Variants in AQP4 observed in about 807,000 individuals in gnomAD.
AQP4 encodes aquaporin 4, also known as aquaporin-4.
In AQP4, 18 loss-of-function variants were observed where a neutral mutation model predicts 27.8. The observed-to-expected ratio is 0.65, with a 90% CI of 0.45 to 0.96. AQP4 has a LOEUF of 0.96. AQP4 is among the 40% of genes least tolerant of loss of function. The pLI, the probability that AQP4 is intolerant of heterozygous loss-of-function variation, is 0.00. For missense variants in AQP4, 412 were observed against 408.2 expected, an observed-to-expected ratio of 1.01 and a Z score of -0.08; for synonymous variants, 141 against 142.9, an observed-to-expected ratio of 0.99 and a Z score of 0.10.
rs145495511 is a variant in AQP4 at position 26,861,154 on chromosome 18, C to T, written c.589G>A (p.Val197Ile). 3.7e-6 allele frequency: 6 copies of T among 1,613,924 alleles called. No homozygotes were observed. The highest frequency in any genetic ancestry group is 1.6e-4 in the Middle Eastern group (1 of 6,084). ...ACTGCAAATAAATGTCCAATTGCAA[C>T]AGAAAATCCAATTGCTAAAGCTATT... ...GSIALAIGFS[V>I]AIGHLFAINY... The change falls in exon 3 of 5, where the codon GTT (valine) becomes ATT (isoleucine). Residue 197 changes from valine to isoleucine, a missense_variant. By Grantham distance (29) the Val-to-Ile change is conservative. Coordinates refer to ENST00000383168, the MANE Select transcript of AQP4 (RefSeq NM_001650.7).
At position 26,855,020 on chromosome 18, in the gene AQP4, T is replaced by G. The variant is rs1029970564; in HGVS notation, c.*1191A>C. 4 of 152,258 alleles carry G rather than the reference T, an allele frequency of 2.6e-5. No homozygotes were observed. Among genetic ancestry groups the G allele is most frequent in the Non-Finnish European group, 5.9e-5 (4 of 68,044 alleles). The allele number at this position is 152,258 out of a possible 1,614,324, so 9.4% of individuals were successfully genotyped here. On this transcript the variant is annotated 3_prime_UTR_variant, in exon 5 of 5. Transcript: ENST00000383168. ...AAGCTTTGAATACAGAGTGATCTGA[T>G]GTCCTCACCCTTTTATTCTGCAACC...
Position 26,862,552 on chromosome 18 carries a change from A to G in AQP4, c.77T>C (p.Phe26Ser). The G allele has an allele frequency of 6.2e-7, 1 of 1,614,146 alleles. No homozygotes were observed. The highest frequency in any genetic ancestry group is 8.5e-7 in the Non-Finnish European group (1 of 1,180,034). ...GAAAGCTTGAGTCCAGACCCCTTTG[A>G]AAGCCACCATGATGTTCTCTCTGGT... ...LCTRENIMVA[F>S]KGVWTQAFWK... Residue 26 changes from phenylalanine to serine, a missense_variant, in exon 2 of 5, where the codon TTC becomes TCC. Transcript: ENST00000383168.
In AQP4 at chr18:26,860,816, A is replaced by C; in HGVS notation, c.649T>G (p.Ser217Ala). The change falls in exon 4 of 5, where the codon TCC (serine) becomes GCC (alanine). Residue 217 changes from serine (S) to alanine (A), a missense_variant. Transcript: ENST00000383168. ...YTGASMNPAR[S>A]FGPAVIMGNW... is the part of the protein sequence containing the mutation. ...CCCATGATAACTGCAGGTCCAAAGG[A>C]TCGGGCGGGATTCATGCTGGCACCA... The C allele has an allele frequency of 1.9e-6, 3 of 1,614,106 alleles. No individual in the cohort carries two copies. The highest frequency in any genetic ancestry group is 2.2e-5 in the South Asian group (2 of 91,076).
intron 1 of AQP4, 121 bp downstream of exon 1, chr18:26,865,537 C>A: frequency 1.6e-6 from 2 of 1,268,990 alleles, no homozygotes; most frequent in Non-Finnish European, 2.3e-6. Flanking sequence ...AAAAGAACCA[C>A]CCACCTGCCC....
chr18:26,861,147 A>C lies in AQP4; in HGVS notation c.596T>G (p.Ile199Ser). The change falls in exon 3 of 5, where the codon ATT becomes AGT. Residue 199 changes from isoleucine (I) to serine (S), a missense_variant. Coordinates refer to ENST00000383168, the MANE Select transcript of AQP4 (RefSeq NM_001650.7). The stretch of plus-strand genomic sequence containing the variant: ...GAAACTTACTGCAAATAAATGTCCA[A>C]TTGCAACAGAAAATCCAATTGCTAA... ...IALAIGFSVA[I>S]GHLFAINYTG... The C allele has an allele frequency of 6.2e-7, 1 of 1,614,140 alleles. No individual in the cohort carries two copies. Among genetic ancestry groups the C allele is most frequent in the South Asian group, 1.1e-5 (1 of 91,080 alleles).
intron 4 of AQP4, among the ~76,000 whole-genome samples, chr18:26,860,388 G>A (rs2054919853): frequency 6.6e-6 from 1 of 151,792 alleles, no homozygotes; most frequent in South Asian, 2.1e-4. Context: ...TTCCATTATA[G>A]CTGGGAAGAC....
rs1184830434 is a variant in AQP4 at position 26,862,305 on chromosome 18, C to A, written c.324G>T (p.Arg108Ser). ...PAVTVAMVCT[R>S]KISIAKSVFY... is the part of the protein sequence containing the mutation. ...AGACAGACTTGGCGATGCTGATCTT[C>A]CTGGTGCACACCATGGCCACAGTCA... Residue 108 changes from arginine to serine, a missense_variant, in exon 2 of 5, where the codon AGG becomes AGT. Coordinates refer to ENST00000383168, the MANE Select transcript of AQP4 (RefSeq NM_001650.7). The A allele has an allele frequency of 1.2e-6, 2 of 1,614,226 alleles. No individual in the cohort carries two copies. The highest frequency in any genetic ancestry group is 2.2e-5 in the South Asian group (2 of 91,090).
intron 1 of AQP4, 87 bp from the exon 2 acceptor site, chr18:26,862,683 G>A (rs1432205318): frequency 1.3e-6 from 2 of 1,583,818 alleles, no homozygotes; most frequent in East Asian, 2.2e-5. Context: ...CCATCTTCGG[G>A]TACTGTGGGC....
chr18:26,860,178 A>G (rs2054914797), intron 4 of AQP4, among the ~76,000 whole-genome samples: 1 of 152,196 alleles, frequency 6.6e-6, no homozygotes, highest in Non-Finnish European at 1.5e-5. Flanking sequence ...TCTGTGAGTC[A>G]TTTATTTTTC....
At chr18:26,859,860 A>G (rs1173673353) in intron 4 of AQP4, among the ~76,000 whole-genome samples, 1 of 152,196 alleles carries the variant, frequency 6.6e-6, no homozygotes. Context: ...TATATTCATG[A>G]ATTTTTTAAA....
At chr18:26,859,527 A>C (rs1300941895) in intron 4 of AQP4, among the ~76,000 whole-genome samples, 2 of 152,222 alleles carry the variant, frequency 1.3e-5, no homozygotes, top group Non-Finnish European at 2.9e-5. Flanking sequence ...TCTCAAAAAG[A>C]AGAAAACAAA....
intron 2 of AQP4, 75 bp downstream of exon 2, chr18:26,862,107 G>A: frequency 6.5e-7 from 1 of 1,540,362 alleles, no homozygotes; most frequent in Non-Finnish European, 9.0e-7. Flanking sequence ...TGTGCCTCAT[G>A]CCACCAAGGC....
rs76951682 is a variant in AQP4, at chr18:26,853,324, G to C, written c.*2887C>G. On this transcript the variant is annotated 3_prime_UTR_variant, in exon 5 of 5. Coordinates refer to ENST00000383168, the MANE Select transcript of AQP4 (RefSeq NM_001650.7). ...AAAATATTTCCTTCCAGTACAAAAG[G>C]TTAAGGCTCTTTGAAGAAAATGTTA... is the stretch of plus-strand genomic sequence containing the variant. 1 of 155,660 alleles carries C rather than the reference G, an allele frequency of 6.4e-6. No individual in the cohort carries two copies. Among genetic ancestry groups the C allele is most frequent in the African/African-American group, 2.4e-5 (1 of 41,606 alleles). The allele number at this position is 155,660 out of a possible 1,614,324, so 9.6% of individuals were successfully genotyped here.
In AQP4 at chr18:26,855,680, AC is replaced by A. The variant is rs2054828973; in HGVS notation, c.*530del. 6.3e-6 allele frequency: 1 copy of A among 157,740 alleles called. No homozygotes were observed. Among genetic ancestry groups the A allele is most frequent in the South Asian group, 1.8e-4 (1 of 5,416 alleles). 9.8% of individuals were successfully genotyped at this position (157,740 alleles called of 1,614,324 possible). A position where few individuals can be genotyped will look rare whatever the true frequency, so the allele number is the denominator to read the frequency against. On this transcript the variant is annotated 3_prime_UTR_variant, in exon 5 of 5. Transcript: ENST00000383168. Reference sequence around the variant, plus strand: ...GGAAGGAAGTAACTGATGAGCAGTGACACTTGCTAATGCTCTTTTGCCAAGG... The same window carrying A: ...GGAAGGAAGTAACTGATGAGCAGTGAACTTGCTAATGCTCTTTTGCCAAGG...
rs757879775 is a variant in AQP4, at chr18:26,856,267, G to C, written c.916C>G (p.Arg306Gly). 6.2e-7 allele frequency: 1 copy of C among 1,613,970 alleles called. No homozygotes were observed. The highest frequency in any genetic ancestry group is 1.3e-5 in the African/African-American group (1 of 74,882). The change falls in exon 5 of 5, where the codon CGG (arginine) becomes GGG (glycine). Residue 306 changes from arginine (R) to glycine (G), a missense_variant. Physicochemically the swap from Arg to Gly is moderately radical, Grantham distance 125. Transcript: ENST00000383168. ...TCTTTCCCCTTCTTCTCCTCTCCCC[G>C]GTCAACGTCAATCACATGCACCACT... Reference protein sequence around the residue: ...PGVVHVIDVDRGEEKKGKDQS... With the variant: ...PGVVHVIDVDGGEEKKGKDQS...
In AQP4 at chr18:26,862,380, G is replaced by C. The variant is rs753460307; in HGVS notation, c.249C>G (p.Thr83=). The C allele has an allele frequency of 3.3e-5, 53 of 1,614,102 alleles. No individual in the cohort carries two copies. Among genetic ancestry groups the C allele is most frequent in the Non-Finnish European group, 4.4e-5 (52 of 1,180,050 alleles). ...ISLCFGLSIA[T]MVQCFGHISG... is the part of the protein sequence containing the mutation. ...TGATATGGCCAAAGCACTGCACCATGGTTGCAATGCTGAGTCCAAAGCAAA... is the reference window on the plus strand; with the variant it reads ...TGATATGGCCAAAGCACTGCACCATCGTTGCAATGCTGAGTCCAAAGCAAA... Residue 83 remains threonine (T), a synonymous_variant, in exon 2 of 5, where the codon ACC becomes ACG. Transcript: ENST00000383168.
At chr18:26,864,172 T>TTG (rs2055013687) in intron 1 of AQP4, among the ~76,000 whole-genome samples, 1 of 152,190 alleles carries the variant, frequency 6.6e-6, no homozygotes, top group African/African-American at 2.4e-5. Flanking sequence ...ATTAGTATTA[T>TTG]TGTGGCTTTC....
Position 26,865,660 on chromosome 18 carries a change from C to T in AQP4, c.30G>A (p.Trp10Ter), listed in dbSNP as rs774486714. 2.5e-6 allele frequency: 4 copies of T among 1,614,198 alleles called. No individual in the cohort carries two copies. The South Asian group carries it at 4.4e-5, about 18-fold the overall frequency. The change falls in exon 1 of 5, where the codon TGG (tryptophan) becomes TGA (stop). Residue 10 changes from tryptophan to a stop codon, truncating the protein, a stop_gained and splice_region_variant. Coordinates refer to ENST00000383168, the MANE Select transcript of AQP4 (RefSeq NM_001650.7). LOFTEE classifies it high-confidence loss of function. MSDRPTARR[W>*]GKCGPLCTRE... Reference sequence around the variant, plus strand: ...CCTTAAGGCAAAGAAGGACTTACCCCCACCGCCTTGCTGTGGGTCTGTCAC... The same window carrying T: ...CCTTAAGGCAAAGAAGGACTTACCCTCACCGCCTTGCTGTGGGTCTGTCAC...
At chr18:26,864,537 C>T (rs147344200) in intron 1 of AQP4, among the ~76,000 whole-genome samples, 381 of 152,214 alleles carry the variant, frequency 2.5e-3, no homozygotes, top group African/African-American at 8.9e-3. Context: ...GAGACAAAAA[C>T]GATGGTTGCA....
Sources: allele counts gnomAD v4.1 joint callset (sites outside exome capture counted in the v4.1 genomes callset), GRCh38; gene constraint gnomAD v4.1.1; transcripts MANE v1.5; gene names NCBI Gene and HGNC (gene_info 2026-07-23, HGNC 2026-07-21).